Variants in FGD4 observed in about 807,000 individuals in gnomAD.
FGD4 encodes the protein FYVE, RhoGEF and PH domain-containing protein 4.
Under a neutral mutation model 102.0 loss-of-function variants are expected in FGD4, and 42 were observed. That is an observed-to-expected ratio of 0.41 (90% CI 0.32 to 0.53). The LOEUF (loss-of-function observed/expected upper bound fraction) is 0.53, where lower values mean the gene tolerates loss of function less well. Ranked by LOEUF, FGD4 falls within the 20% of genes least tolerant of loss-of-function variation. FGD4 has a pLI of 0.21. For synonymous variants in FGD4, 380 were observed against 375.7 expected (o/e 1.01, Z -0.13); for missense variants, 902 against 1,078.2 (o/e 0.84, Z 2.29).
intron 1 of FGD4, among the ~76,000 whole-genome samples, chr12:32,553,139 A>G (rs1943838586): frequency 6.6e-6 from 1 of 151,958 alleles, no homozygotes; most frequent in Admixed American, 6.6e-5. Context: ...CATGTCCTCT[A>G]ACAACAAATG....
intron 11 of FGD4, among the ~76,000 whole-genome samples, chr12:32,620,627 A>G (rs1363667673): frequency 6.8e-6 from 1 of 146,774 alleles, no homozygotes; most frequent in Non-Finnish European, 1.5e-5. Flanking sequence ...CCCAGGTTCA[A>G]GCTATTCTCC....
intron 5 of FGD4, among the ~76,000 whole-genome samples, chr12:32,599,597 T>C (rs1948226676): frequency 9.1e-6 from 1 of 109,944 alleles, no homozygotes; most frequent in Non-Finnish European, 1.7e-5. Flanking sequence ...GCCCAGGCTG[T>C]AGTGCAGTGG....
rs114430522 is a variant in FGD4, at chr12:32,595,175, C to T, written c.1012-3322C>T. 7.5e-3 allele frequency among the ~76,000 whole-genome samples: 1,144 copies of T among 152,134 alleles called. 13 individuals carry two copies. The highest frequency in any genetic ancestry group is 0.026 in the African/African-American group (1,086 of 41,488). ...ATAGGTGTCTTATGTAATTACTATG[C>T]ATTTATGTTTACTTATTACAGGATG... On this transcript the variant is annotated intron_variant, in intron 4 of 16. Transcript: ENST00000534526.
intron 1 of FGD4, among the ~76,000 whole-genome samples, chr12:32,438,878 G>C (rs545117600): frequency 6.6e-6 from 1 of 152,140 alleles, no homozygotes; most frequent in Non-Finnish European, 1.5e-5. Context: ...AAAGTGCTGG[G>C]ATTACAGGCG....
At chr12:32,605,946 A>G (rs1948752880) in intron 7 of FGD4, among the ~76,000 whole-genome samples, 1 of 152,184 alleles carries the variant, frequency 6.6e-6, no homozygotes, top group African/African-American at 2.4e-5. Flanking sequence ...TATCTGTACA[A>G]TGTCTGTCTT....
In FGD4 at chr12:32,422,288, C is replaced by CTTTTTTTTTTTTTTTTTTT. The variant is rs770560590; in HGVS notation, c.166+22339_166+22357dup. On this transcript the variant is annotated intron_variant, in intron 1 of 16. Transcript: ENST00000534526. ...TTGAAGCATCTCAAATTGGGAGCTGCTTTTTTTTTTTTTTTTTTTTTTTTT... is the reference window on the plus strand; with the variant it reads ...TTGAAGCATCTCAAATTGGGAGCTGCTTTTTTTTTTTTTTTTTTTTTTTTTTTTTTTTTTTTTTTTTTTT... Among the ~76,000 whole-genome samples, 56 of 54,174 alleles carry CTTTTTTTTTTTTTTTTTTT rather than the reference C, an allele frequency of 1.0e-3. 10 individuals are homozygous for CTTTTTTTTTTTTTTTTTTT. Among genetic ancestry groups the CTTTTTTTTTTTTTTTTTTT allele is most frequent in the Non-Finnish European group, 1.4e-3 (43 of 30,242 alleles). 35.5% of individuals were successfully genotyped at this position (54,174 alleles called of 152,430 possible).
chr12:32,620,532 T>C (rs1297946780), intron 11 of FGD4, among the ~76,000 whole-genome samples: 12 of 132,034 alleles, frequency 9.1e-5, no homozygotes, highest in African/African-American at 2.6e-4. Context: ...TTTTTTTTTT[T>C]TTTTTTTTTT....
rs1470898801 is a variant in FGD4 at position 32,452,332 on chromosome 12, G to A, written c.166+52373G>A. Among the ~76,000 whole-genome samples, 4 of 152,290 alleles carry A rather than the reference G, an allele frequency of 2.6e-5. No homozygotes were observed. In the South Asian group the frequency reaches 6.2e-4, roughly 24 times the overall value. On this transcript the variant is annotated intron_variant, in intron 1 of 16. Transcript: ENST00000534526. ...AGAATTCAGATATCATCTCTCAATC[G>A]TAATGAATCTAGTGGTCAGTGTTGC...
At chr12:32,598,329 C>T (rs1458764870) in intron 4 of FGD4, among the ~76,000 whole-genome samples, 168 bp from the exon 5 acceptor site, 1 of 152,168 alleles carries the variant, frequency 6.6e-6, no homozygotes, top group Non-Finnish European at 1.5e-5. Flanking sequence ...TTGCTAATTT[C>T]TAATTTTGTT....
At chr12:32,542,703 T>G (rs1399719687) in intron 1 of FGD4, among the ~76,000 whole-genome samples, 1 of 152,262 alleles carries the variant, frequency 6.6e-6, no homozygotes, top group African/African-American at 2.4e-5. Flanking sequence ...CTACATCTGC[T>G]TTTATTTCTT....
intron 15 of FGD4, among the ~76,000 whole-genome samples, chr12:32,638,370 G>T (rs1474592717): frequency 6.6e-6 from 1 of 152,218 alleles, no homozygotes; most frequent in Non-Finnish European, 1.5e-5. Flanking sequence ...CCTTCTCAGT[G>T]TTGGTGTGAG....
intron 1 of FGD4, among the ~76,000 whole-genome samples, chr12:32,444,853 C>T (rs1942565849): frequency 6.6e-6 from 1 of 152,096 alleles, no homozygotes; most frequent in Non-Finnish European, 1.5e-5. Context: ...CACGCCGTTC[C>T]AAATTTGTAA....
chr12:32,481,127 CAAA>C (rs1157108520), intron 1 of FGD4, among the ~76,000 whole-genome samples: 309 of 27,260 alleles, frequency 0.011, no homozygotes, highest in Non-Finnish European at 0.014. Flanking sequence ...GACTCCGTCT[CAAA>C]AAAAAAAAAA....
chr12:32,400,691 T>C (rs765158668), intron 1 of FGD4, among the ~76,000 whole-genome samples: 1 of 152,334 alleles, frequency 6.6e-6, no homozygotes, highest in East Asian at 1.9e-4. Flanking sequence ...TCTTTTTTCT[T>C]TGATTTGCAA....
At chr12:32,433,410 T>C (rs1942119010) in intron 1 of FGD4, among the ~76,000 whole-genome samples, 1 of 151,752 alleles carries the variant, frequency 6.6e-6, no homozygotes, top group African/African-American at 2.4e-5. Context: ...GTTCAGTGGC[T>C]CAGTTTCGGC....
At position 32,576,316 on chromosome 12, in the gene FGD4, C is replaced by G; in HGVS notation, c.370C>G (p.Gln124Glu). 3 of 1,613,566 alleles carry G rather than the reference C, an allele frequency of 1.9e-6. No individual in the cohort carries two copies. Among genetic ancestry groups the G allele is most frequent in the Non-Finnish European group, 1.7e-6 (2 of 1,179,770 alleles). Residue 124 changes from glutamine to glutamate, a missense_variant, in exon 3 of 17, where the codon CAA (glutamine) becomes GAA (glutamate). This residue lies in a region of FGD4 where 443 missense variants were observed against 459.2 expected (regional missense o/e 0.96). Coordinates refer to ENST00000534526, the MANE Select transcript of FGD4 (RefSeq NM_001370298.3). ...GAATTCACCTTCGTCCAATATACAC[C>G]AAACCCCCAGGCATAAAGCTTTACC... Reference protein sequence around the residue: ...LQNSPSSNIHQTPRHKALPSA... With the variant: ...LQNSPSSNIHETPRHKALPSA...
rs547635175 is a variant in FGD4 at position 32,432,203 on chromosome 12, G to A, written c.166+32244G>A. Among the ~76,000 whole-genome samples the A allele has an allele frequency of 3.1e-3, 475 of 151,948 alleles. 2 individuals are homozygous for A. Among genetic ancestry groups the A allele is most frequent in the Middle Eastern group, 0.02 (6 of 294 alleles). On this transcript the variant is annotated intron_variant, in intron 1 of 16. Transcript: ENST00000534526. ...GTCTCCCCAGCAGCTGGGACTACAG[G>A]CGCCCACCACCATGCCCAGCTAATT...
chr12:32,567,686 CTTT>C (rs36064998), intron 2 of FGD4, among the ~76,000 whole-genome samples: 7 of 126,358 alleles, frequency 5.5e-5, no homozygotes, highest in Admixed American at 8.7e-5. Flanking sequence ...TTATTGTGGG[CTTT>C]TTTTTTTTTT....
intron 10 of FGD4, among the ~76,000 whole-genome samples, chr12:32,613,938 C>T (rs781377430): frequency 3.3e-5 from 5 of 151,992 alleles, no homozygotes; most frequent in Non-Finnish European, 7.4e-5. Flanking sequence ...GAGACAATGC[C>T]GCAAAGAAAT....
Sources: gnomAD v4.1 joint callset for allele counts (sites outside exome capture counted in the v4.1 genomes callset) on GRCh38, gnomAD v4.1.1 for gene constraint, gnomAD v4.1.1 regional missense constraint, MANE v1.5 for transcripts, NCBI Gene and HGNC (gene_info 2026-07-23, HGNC 2026-07-21) for gene names.